The following RPS6KB2 variants were observed in gnomAD, a reference collection of about 807,000 sequenced individuals.
RPS6KB2 encodes the protein ribosomal protein S6 kinase B2, also known as ribosomal protein S6 kinase beta-2.
Under a neutral mutation model 58.2 loss-of-function variants are expected in RPS6KB2, and 51 were observed. The ratio of observed to expected loss-of-function variants is 0.88; its 90% CI spans 0.70 to 1.11. The LOEUF is 1.11. Ranked by LOEUF, RPS6KB2 falls within the 50% of genes least tolerant of loss-of-function variation. The probability of loss-of-function intolerance (pLI) is 0.00; values close to 1 mark genes in which losing one functional copy is unlikely to be tolerated. For synonymous variants in RPS6KB2, 293 were observed against 258.6 expected, an observed-to-expected ratio of 1.13 and a Z score of -1.28; for missense variants, 671 against 655.8, an observed-to-expected ratio of 1.02 and a Z score of -0.25.
rs1014965757 is a variant in RPS6KB2 at position 67,431,396 on chromosome 11, C to T, written c.338C>T (p.Thr113Ile). 1.2e-6 allele frequency: 2 copies of T among 1,614,018 alleles called. No homozygotes were observed. The highest frequency in any genetic ancestry group is 2.7e-5 in the African/African-American group (2 of 74,922). ...AAAATTGTGCGCAATGCCAAGGACA[C>T]AGCACACACACGGGCTGAGCGGAAC... ...KAKIVRNAKD[T>I]AHTRAERNIL... The change falls in exon 5 of 15, where the codon ACA becomes ATA. Residue 113 changes from threonine (T) to isoleucine (I), a missense_variant. By Grantham distance (89) the Thr-to-Ile change is moderately conservative (BLOSUM62 -1). Transcript: ENST00000312629.
chr11:67,428,907 A>G (rs1863930813), intron 1 of RPS6KB2, 75 bp from the exon 2 acceptor site: 1 of 1,569,828 alleles, frequency 6.4e-7, no homozygotes, highest in African/African-American at 1.3e-5. Flanking sequence ...CTCCTGGGCC[A>G]CGCAGTCCAA....
At position 67,434,716 on chromosome 11, in the gene RPS6KB2, T is replaced by C. The variant is rs780874436; in HGVS notation, c.1268+22T>C. ...TCAGGTACTGAGGGACGTGGGGGTGTGTGGCTGGGTTAGGGACGCTGGCAG... is the reference window on the plus strand; with the variant it reads ...TCAGGTACTGAGGGACGTGGGGGTGCGTGGCTGGGTTAGGGACGCTGGCAG... On this transcript the variant is annotated intron_variant, in intron 14 of 14. Coordinates refer to ENST00000312629, the MANE Select transcript of RPS6KB2 (RefSeq NM_003952.3). 6.4e-6 allele frequency: 10 copies of C among 1,559,584 alleles called. No individual in the cohort carries two copies. In the Admixed American group the frequency reaches 1.7e-4, roughly 26 times the overall value.
chr11:67,429,354 C>A, intron 3 of RPS6KB2, 114 bp downstream of exon 3: 1 of 1,481,700 alleles, frequency 6.7e-7, no homozygotes, highest in Non-Finnish European at 9.3e-7. Context: ...GGATTCAGAG[C>A]CAGAAACATA....
At chr11:67,431,613 T>A in intron 5 of RPS6KB2, 98 bp downstream of exon 5, 2 of 1,310,192 alleles carry the variant, frequency 1.5e-6, no homozygotes, top group Non-Finnish European at 2.1e-6. Context: ...GATGAGTCTG[T>A]GGGGGTTGGC....
intron 3 of RPS6KB2, 64 bp downstream of exon 3, chr11:67,429,304 C>T (rs1863948873): frequency 6.3e-7 from 1 of 1,597,502 alleles, no homozygotes; most frequent in African/African-American, 1.3e-5. Context: ...AAAGGGTTCT[C>T]AAAACAAATT....
At position 67,433,364 on chromosome 11, in the gene RPS6KB2, A is replaced by G; in HGVS notation, c.823A>G (p.Lys275Glu). 6.2e-7 allele frequency: 1 copy of G among 1,613,880 alleles called. No individual in the cohort carries two copies. The change falls in exon 10 of 15, where the codon AAG (lysine) becomes GAG (glutamate). Residue 275 changes from lysine (K) to glutamate (E), a missense_variant. Lys to Glu is a moderately conservative substitution (Grantham distance 56, BLOSUM62 1). Transcript: ENST00000312629. ...GCCGCCCTTCACCGCAGAGAACCGG[A>G]AGAAAACCATGGATAAGATCATCAG... ...GSPPFTAENR[K>E]KTMDKIIRGK... is the part of the protein sequence containing the mutation.
At position 67,428,553 on chromosome 11, in the gene RPS6KB2, C is replaced by G. The variant is rs1315522473; in HGVS notation, c.8C>G (p.Ala3Gly). 2.5e-6 allele frequency: 4 copies of G among 1,609,206 alleles called. No homozygotes were observed. The highest frequency in any genetic ancestry group is 3.4e-6 in the Non-Finnish European group (4 of 1,178,156). The change falls in exon 1 of 15, where the codon GCC becomes GGC. Residue 3 changes from alanine to glycine, a missense_variant. Coordinates refer to ENST00000312629, the MANE Select transcript of RPS6KB2 (RefSeq NM_003952.3). MA[A>G]VFDLDLETEE... ...CGCGGGGCCGGCGCCGCCATGGCGG[C>G]CGTGTTTGATTTGGATTTGGAGACG...
At position 67,434,024 on chromosome 11, in the gene RPS6KB2, T is replaced by G. The variant is rs187977820; in HGVS notation, c.936T>G (p.Ile312Met). 1 of 1,614,106 alleles carries G rather than the reference T, an allele frequency of 6.2e-7. No homozygotes were observed. The highest frequency in any genetic ancestry group is 1.7e-5 in the Admixed American group (1 of 60,028). Residue 312 changes from isoleucine to methionine, a missense_variant, in exon 11 of 15, where the codon ATT becomes ATG. Transcript: ENST00000312629. ...KFLKRNPSQR[I>M]GGGPGDAADV... ...TGAAACGGAATCCCAGCCAGCGGATTGGGGGTGGCCCAGGGGATGCTGCTG... is the reference window on the plus strand; with the variant it reads ...TGAAACGGAATCCCAGCCAGCGGATGGGGGGTGGCCCAGGGGATGCTGCTG...
intron 5 of RPS6KB2, 24 bp from the exon 6 acceptor site, chr11:67,432,576 G>C: frequency 6.2e-7 from 1 of 1,613,882 alleles, no homozygotes; most frequent in Non-Finnish European, 8.5e-7. Context: ...CCAGCACGTG[G>C]CTGCTGACGT....
rs1209173694 is a variant in RPS6KB2 at position 67,434,464 on chromosome 11, A to G, written c.1135A>G (p.Ser379Gly). Residue 379 changes from serine to glycine, a missense_variant, in exon 13 of 15, where the codon AGT (serine) becomes GGT (glycine). Physicochemically the swap from Ser to Gly is moderately conservative, Grantham distance 56 (BLOSUM62 0). Transcript: ENST00000312629. ...DSPDDTALSE[S>G]ANQAFLGFTY... ...TCCTGATGACACAGCCCTCAGCGAG[A>G]GTGCCAACCAGGCCTTCCTGGTGAG... is the stretch of plus-strand genomic sequence containing the variant. The G allele has an allele frequency of 6.2e-7, 1 of 1,612,506 alleles. No homozygotes were observed. Among genetic ancestry groups the G allele is most frequent in the Middle Eastern group, 1.6e-4 (1 of 6,062 alleles).
At chr11:67,429,458 C>T in intron 3 of RPS6KB2, 69 bp from the exon 4 acceptor site, 1 of 1,496,316 alleles carries the variant, frequency 6.7e-7, no homozygotes, top group Non-Finnish European at 9.2e-7. Context: ...AAAGCCAGAG[C>T]TTCAGGGTGG....
intron 10 of RPS6KB2, 122 bp downstream of exon 10, chr11:67,433,569 A>G: frequency 1.4e-6 from 1 of 735,714 alleles, no homozygotes; most frequent in Non-Finnish European, 2.3e-6. Context: ...CTGGGAATGA[A>G]AGGAGCCCCT....
rs1565148467 is a variant in RPS6KB2 at position 67,434,230 on chromosome 11, C to CG, written c.1003dup (p.Asp335GlyfsTer25). 1 of 1,613,832 alleles carries CG rather than the reference C, an allele frequency of 6.2e-7. No homozygotes were observed. Among genetic ancestry groups the CG allele is most frequent in the African/African-American group, 1.3e-5 (1 of 74,936 alleles). Reference sequence around the variant, plus strand: ...CCTTTTTCCGGCACATGAATTGGGACGACCTTCTGGCCTGGCGTGTGGACC... The same window carrying CG: ...CCTTTTTCCGGCACATGAATTGGGACGGACCTTCTGGCCTGGCGTGTGGACC... On this transcript the variant is annotated frameshift_variant, in exon 12 of 15. Coordinates refer to ENST00000312629, the MANE Select transcript of RPS6KB2 (RefSeq NM_003952.3). LOFTEE classifies it high-confidence loss of function.
chr11:67,434,497 G>A lies in RPS6KB2; in HGVS notation c.1155+13G>A. 6.2e-7 allele frequency: 1 copy of A among 1,606,930 alleles called. No individual in the cohort carries two copies. The highest frequency in any genetic ancestry group is 1.1e-5 in the South Asian group (1 of 90,956). ...CCAGGCCTTCCTGGTGAGTGCGGGG[G>A]CCTGAGGCCTGTGGGACCAGGGCAC... is the stretch of plus-strand genomic sequence containing the variant. On this transcript the variant is annotated intron_variant, in intron 13 of 14. Coordinates refer to ENST00000312629, the MANE Select transcript of RPS6KB2 (RefSeq NM_003952.3).
rs1478332060 is a variant in RPS6KB2, at chr11:67,434,017, A to C, written c.929A>C (p.Gln310Pro). ...CAGTTTCTGAAACGGAATCCCAGCC[A>C]GCGGATTGGGGGTGGCCCAGGGGAT... ...VKKFLKRNPS[Q>P]RIGGGPGDAA... is the part of the protein sequence containing the mutation. The change falls in exon 11 of 15, where the codon CAG becomes CCG. Residue 310 changes from glutamine (Q) to proline (P), a missense_variant. Gln to Pro is a moderately conservative substitution (Grantham distance 76). Transcript: ENST00000312629. 2 of 1,613,996 alleles carry C rather than the reference A, an allele frequency of 1.2e-6. No homozygotes were observed. The highest frequency in any genetic ancestry group is 1.7e-6 in the Non-Finnish European group (2 of 1,180,024).
rs200955587 is a variant in RPS6KB2 at position 67,432,656 on chromosome 11, T to C, written c.514T>C (p.Cys172Arg). ...GGGCATCTTCCTGGAAGATACGGCC[T>C]GGTGGGTGTTAATCCTCCGCTTTCC... Reference protein sequence around the residue: ...REGIFLEDTACFYLAEITLAL... With the variant: ...REGIFLEDTARFYLAEITLAL... The change falls in exon 6 of 15, where the codon TGC becomes CGC. Residue 172 changes from cysteine (C) to arginine (R), a missense_variant and splice_region_variant. Physicochemically the swap from Cys to Arg is radical, Grantham distance 180 (BLOSUM62 -3). Transcript: ENST00000312629. 4.3e-6 allele frequency: 7 copies of C among 1,614,184 alleles called. No individual in the cohort carries two copies. The highest frequency in any genetic ancestry group is 3.3e-5 in the South Asian group (3 of 91,080).
chr11:67,428,597 G>T lies in RPS6KB2; in HGVS notation c.52G>T (p.Glu18Ter), dbSNP rs756293976. The T allele has an allele frequency of 4.3e-6, 7 of 1,611,088 alleles. No individual in the cohort carries two copies. The Middle Eastern group carries it at 5.1e-4, about 118-fold the overall frequency. ...GGAGACGGAGGAAGGCAGCGAGGGC[G>T]AGGGCGAGCCAGAGCTCAGCCCCGC... ...DLETEEGSEG[E>*]GEPELSPADA... The change falls in exon 1 of 15, where the codon GAG becomes TAG. Residue 18 changes from glutamate (E) to a stop codon, truncating the protein, a stop_gained. Coordinates refer to ENST00000312629, the MANE Select transcript of RPS6KB2 (RefSeq NM_003952.3). LOFTEE classifies it high-confidence loss of function.
chr11:67,428,512 T>C lies in RPS6KB2; in HGVS notation c.-34T>C. The C allele has an allele frequency of 1.3e-6, 2 of 1,581,690 alleles. No individual in the cohort carries two copies. Among genetic ancestry groups the C allele is most frequent in the South Asian group, 2.3e-5 (2 of 88,720 alleles). ...GACTGTCAGTCAGTGCGCGGCCAGGTACGGGCCGACGGGCCCGCGGGGCCG... is the reference window on the plus strand; with the variant it reads ...GACTGTCAGTCAGTGCGCGGCCAGGCACGGGCCGACGGGCCCGCGGGGCCG... On this transcript the variant is annotated 5_prime_UTR_variant, in exon 1 of 15. Transcript: ENST00000312629.
In RPS6KB2 at chr11:67,435,396, A is replaced by G. The variant is rs1355532591; in HGVS notation, c.*227A>G. The G allele has an allele frequency of 9.8e-6, 6 of 613,810 alleles. No homozygotes were observed. Among genetic ancestry groups the G allele is most frequent in the South Asian group, 4.1e-5 (2 of 48,204 alleles). The allele number at this position is 613,810 out of a possible 1,614,324, so 38.0% of individuals were successfully genotyped here. On this transcript the variant is annotated 3_prime_UTR_variant, in exon 15 of 15. Transcript: ENST00000312629. ...CTCCCGTGGAAGATTAAAGGGCTGA[A>G]TCATGGTGCTGACCTGGCTCTTTGT...
Sources: allele counts gnomAD v4.1 joint callset, GRCh38; gene constraint gnomAD v4.1.1; transcripts MANE v1.5; gene names NCBI Gene and HGNC (gene_info 2026-07-23, HGNC 2026-07-21).